The following SALL1 variants were observed in gnomAD, a reference collection of about 807,000 sequenced individuals.
SALL1 encodes sal-like protein 1.
Under a neutral mutation model 73.1 loss-of-function variants are expected in SALL1, and 10 were observed. That is an observed-to-expected ratio of 0.14 (90% CI 0.08 to 0.23). SALL1 has a LOEUF of 0.23. Among genes scored for constraint, SALL1 ranks in the 10% least tolerant of loss-of-function variants. The probability of loss-of-function intolerance (pLI) is 1.00; values close to 1 mark genes in which losing one functional copy is unlikely to be tolerated. For synonymous variants in SALL1, 688 were observed against 689.8 expected, an observed-to-expected ratio of 1.00 and a Z score of 0.04; for missense variants, 1,520 against 1,697.3, an observed-to-expected ratio of 0.90 and a Z score of 1.84.
At chr16:51,142,261 G>A (rs1962455518) in intron 1 of SALL1, 116 bp from the exon 2 acceptor site, 1 of 823,302 alleles carries the variant, frequency 1.2e-6, no homozygotes, top group East Asian at 2.4e-5. Flanking sequence ...CAAAACTGTA[G>A]CCCTTGAAAA....
chr16:51,136,629 A>G lies in SALL1; in HGVS notation c.*483T>C, dbSNP rs1021489037. ...GTCCTTTCCTTAAATCTGTTTTGAAAGATTAGACAATGTGTTTGCTGATAA... is the reference window on the plus strand; with the variant it reads ...GTCCTTTCCTTAAATCTGTTTTGAAGGATTAGACAATGTGTTTGCTGATAA... On this transcript the variant is annotated 3_prime_UTR_variant, in exon 3 of 3. Transcript: ENST00000251020. 1 of 162,496 alleles carries G rather than the reference A, an allele frequency of 6.2e-6. No individual in the cohort carries two copies. Among genetic ancestry groups the G allele is most frequent in the African/African-American group, 2.4e-5 (1 of 41,656 alleles). The allele number at this position is 162,496 out of a possible 1,614,324, so 10.1% of individuals were successfully genotyped here.
Position 51,138,999 on chromosome 16 carries a change from C to T in SALL1, c.3223G>A (p.Val1075Met). 3 of 1,614,190 alleles carry T rather than the reference C, an allele frequency of 1.9e-6. No homozygotes were observed. Among genetic ancestry groups the T allele is most frequent in the Non-Finnish European group, 2.5e-6 (3 of 1,180,040 alleles). ...GATGACAACGAGTTGGCGGGAATCA[C>T]CGCTGAGTTCTGATTGGGGCCAAGG... ...SNLGPNQNSA[V>M]IPANSLSSLI... The change falls in exon 2 of 3, where the codon GTG becomes ATG. Residue 1075 changes from valine (V) to methionine (M), a missense_variant. Val to Met is a conservative substitution (Grantham distance 21). This residue lies in a region of SALL1 where 318 missense variants were observed against 357.1 expected (regional missense o/e 0.89). Coordinates refer to ENST00000251020, the MANE Select transcript of SALL1 (RefSeq NM_002968.3).
Position 51,140,500 on chromosome 16 carries a change from C to T in SALL1, c.1722G>A (p.Glu574=). ...PSLIPFIKTE[E]PAPIPISHSA... is the part of the protein sequence containing the mutation. ...AATGGCTGATGGGGATGGGGGCTGGCTCTTCCGTCTTGATGAAGGGTATGA... is the reference window on the plus strand; with the variant it reads ...AATGGCTGATGGGGATGGGGGCTGGTTCTTCCGTCTTGATGAAGGGTATGA... Residue 574 remains glutamate, a synonymous_variant, in exon 2 of 3, where the codon GAG becomes GAA. Transcript: ENST00000251020. This position sits in a 1 kb window ranked among gnomAD's most constrained non-coding sequence, Gnocchi z 5.7. 6.2e-7 allele frequency: 1 copy of T among 1,613,846 alleles called. No homozygotes were observed. The highest frequency in any genetic ancestry group is 8.5e-7 in the Non-Finnish European group (1 of 1,179,928).
Position 51,137,358 on chromosome 16 carries a change from G to A in SALL1, c.3729C>T (p.Asn1243=), listed in dbSNP as rs148612488. The change falls in exon 3 of 3, where the codon AAC becomes AAT. Residue 1243 remains asparagine (N), a synonymous_variant. Transcript: ENST00000251020. ...TCTCGTTGGCCTTCATCGCCAGCCC[G>A]TTGGAGAGCGCTGCTGCATACTGAT... The part of the protein sequence containing the change: ...FWNQYAAALS[N]GLAMKANEIS... The A allele has an allele frequency of 3.0e-4, 485 of 1,614,132 alleles. No individual in the cohort carries two copies. Among genetic ancestry groups the A allele is most frequent in the Non-Finnish European group, 3.7e-4 (436 of 1,180,032 alleles).
Position 51,140,327 on chromosome 16 carries a change from T to C in SALL1, c.1895A>G (p.Asn632Ser). The C allele has an allele frequency of 3.1e-6, 5 of 1,613,994 alleles. No individual in the cohort carries two copies. The highest frequency in any genetic ancestry group is 3.4e-6 in the Non-Finnish European group (4 of 1,179,986). Residue 632 changes from asparagine to serine, a missense_variant, in exon 2 of 3, where the codon AAC becomes AGC. This residue lies in a region of SALL1 where 276 missense variants were observed against 259.1 expected (regional missense o/e 1.07). Coordinates refer to ENST00000251020, the MANE Select transcript of SALL1 (RefSeq NM_002968.3). The surrounding 1 kb of genome is among the most constrained non-coding windows in gnomAD (Gnocchi z 5.7). Reference protein sequence around the residue: ...GKSEESGMVTNSVPTASSSVL... With the variant: ...GKSEESGMVTSSVPTASSSVL... ...GCTACTGCTCGCCGTCGGGACTGAG[T>C]TGGTGACCATGCCACTCTCTTCGCT...
Position 51,140,512 on chromosome 16 carries a change from G to A in SALL1, c.1710C>T (p.Ile570=). Residue 570 remains isoleucine (I), a synonymous_variant, in exon 2 of 3, where the codon ATC becomes ATT. Transcript: ENST00000251020. The surrounding 1 kb of genome is among the most constrained non-coding windows in gnomAD (Gnocchi z 5.7). ...PPTLPSLIPF[I]KTEEPAPIPI... ...GGATGGGGGCTGGCTCTTCCGTCTT[G>A]ATGAAGGGTATGAGGCTTGGGAGGG... The A allele has an allele frequency of 6.2e-7, 1 of 1,614,020 alleles. No individual in the cohort carries two copies. Among genetic ancestry groups the A allele is most frequent in the Admixed American group, 1.7e-5 (1 of 60,022 alleles).
chr16:51,149,160 T>C (rs1962559655), intron 1 of SALL1: 1 of 152,614 alleles, frequency 6.6e-6, no homozygotes, highest in African/African-American at 2.4e-5. Context: ...ACTCCTTTTA[T>C]ATTATTGCTT....
intron 1 of SALL1, among the ~76,000 whole-genome samples, chr16:51,147,367 T>G (rs1962533526): frequency 6.6e-6 from 1 of 152,342 alleles, no homozygotes; most frequent in Middle Eastern, 3.4e-3. Context: ...ATTTTCTCAT[T>G]CAGAATCTTC....
At position 51,136,144 on chromosome 16, in the gene SALL1, T is replaced by C. The variant is rs918829691; in HGVS notation, c.*968A>G. ...CAGTCCAATTTTTTTCTTCCATACC[T>C]AAGACAAAATAAACAAACACTATAC... is the stretch of plus-strand genomic sequence containing the variant. On this transcript the variant is annotated 3_prime_UTR_variant, in exon 3 of 3. Transcript: ENST00000251020. The C allele has an allele frequency of 6.6e-6, 1 of 152,634 alleles. No homozygotes were observed. Among genetic ancestry groups the C allele is most frequent in the African/African-American group, 2.4e-5 (1 of 41,442 alleles). 9.5% of individuals were successfully genotyped at this position (152,634 alleles called of 1,614,324 possible).
chr16:51,152,143 TC>T (rs1962632929), upstream of SALL1: 1 of 151,668 alleles, frequency 6.6e-6, no homozygotes, highest in African/African-American at 2.4e-5. Flanking sequence ...GATCCCGGGC[TC>T]GCGGGGGCGC....
In SALL1 at chr16:51,140,375, G is replaced by C. The variant is rs1214482080; in HGVS notation, c.1847C>G (p.Thr616Ser). Reference protein sequence around the residue: ...GGLPEEAEGSTLPPSGGKSEE... With the variant: ...GGLPEEAEGSSLPPSGGKSEE... ...GCTTTTGCCACCAGAGGGTGGCAGA[G>C]TGGACCCTTCGGCTTCCTCTGGGAG... is the stretch of plus-strand genomic sequence containing the variant. The change falls in exon 2 of 3, where the codon ACT (threonine) becomes AGT (serine). Residue 616 changes from threonine to serine, a missense_variant. Physicochemically the swap from Thr to Ser is moderately conservative, Grantham distance 58 (BLOSUM62 1). Transcript: ENST00000251020. This position sits in a 1 kb window ranked among gnomAD's most constrained non-coding sequence, Gnocchi z 5.7. The C allele has an allele frequency of 1.2e-6, 2 of 1,614,050 alleles. No homozygotes were observed. The highest frequency in any genetic ancestry group is 2.7e-5 in the African/African-American group (2 of 74,948).
chr16:51,142,215 A>G (rs1239459824), intron 1 of SALL1, 70 bp from the exon 2 acceptor site: 6 of 1,260,330 alleles, frequency 4.8e-6, no homozygotes, highest in Admixed American at 1.8e-5. Context: ...ACTTAAAAAA[A>G]AAAAGGCTAA....
chr16:51,136,325 GCA>G lies in SALL1; in HGVS notation c.*785_*786del, dbSNP rs1351263965. ...TACTTAGCAGCATTGTGAAATTCCA[GCA>G]CACATTTTCTATCGTGAATATACCT... On this transcript the variant is annotated 3_prime_UTR_variant, in exon 3 of 3. Transcript: ENST00000251020. 6.6e-6 allele frequency: 1 copy of G among 152,620 alleles called. No homozygotes were observed. The highest frequency in any genetic ancestry group is 1.5e-5 in the Non-Finnish European group (1 of 68,040). 9.5% of individuals were successfully genotyped at this position (152,620 alleles called of 1,614,324 possible).
chr16:51,150,978 G>C (rs974275407), intron 1 of SALL1, 188 bp downstream of exon 1: 1 of 418,704 alleles, frequency 2.4e-6, no homozygotes, highest in Non-Finnish European at 4.2e-6. Flanking sequence ...GGGGCAGCGG[G>C]GGAAAGCCCA....
chr16:51,149,254 C>T (rs1271758676), intron 1 of SALL1: 1 of 152,002 alleles, frequency 6.6e-6, no homozygotes, highest in Non-Finnish European at 1.5e-5. Context: ...CCTCGAAGGC[C>T]GAGACTTTTT....
At position 51,137,066 on chromosome 16, in the gene SALL1, C is replaced by G; in HGVS notation, c.*46G>C. ...CAAGGAGTAGGAGGCCACCATAGGT[C>G]GCATTCTGAACAGGAATGAATGCTA... On this transcript the variant is annotated 3_prime_UTR_variant, in exon 3 of 3. Coordinates refer to ENST00000251020, the MANE Select transcript of SALL1 (RefSeq NM_002968.3). 6.3e-7 allele frequency: 1 copy of G among 1,581,720 alleles called. No homozygotes were observed. Among genetic ancestry groups the G allele is most frequent in the South Asian group, 1.1e-5 (1 of 89,954 alleles).
upstream of SALL1, chr16:51,151,349 GGCCC>G (rs915739793): frequency 3.5e-6 from 2 of 577,730 alleles, no homozygotes; most frequent in Non-Finnish European, 2.4e-6. Context: ...CCCGCCCGCC[GGCCC>G]GCCCGCCCCC....
rs1478934667 is a variant in SALL1 at position 51,140,121 on chromosome 16, T to G, written c.2101A>C (p.Lys701Gln). ...ATGCACTCATTGGGGTCAGTGGCCT[T>G]CTTGTCAATGTTTTCTACCAGTTGC... Reference protein sequence around the residue: ...LQQLVENIDKKATDPNECIIC... With the variant: ...LQQLVENIDKQATDPNECIIC... Residue 701 changes from lysine (K) to glutamine (Q), a missense_variant, in exon 2 of 3, where the codon AAG becomes CAG. Physicochemically the swap from Lys to Gln is moderately conservative, Grantham distance 53. Coordinates refer to ENST00000251020, the MANE Select transcript of SALL1 (RefSeq NM_002968.3). This position sits in a 1 kb window ranked among gnomAD's most constrained non-coding sequence, Gnocchi z 5.7. 3 of 1,614,008 alleles carry G rather than the reference T, an allele frequency of 1.9e-6. No homozygotes were observed. Among genetic ancestry groups the G allele is most frequent in the Non-Finnish European group, 2.5e-6 (3 of 1,180,022 alleles).
intron 1 of SALL1, chr16:51,150,870 A>G: frequency 3.1e-6 from 1 of 321,646 alleles, no homozygotes; most frequent in Non-Finnish European, 5.6e-6. Context: ...CCGGAAAAGC[A>G]GGGACGGAGA....
Sources: allele counts gnomAD v4.1 joint callset (sites outside exome capture counted in the v4.1 genomes callset), GRCh38; gene constraint gnomAD v4.1.1; regional missense constraint gnomAD v4.1.1; non-coding constraint Gnocchi (gnomAD v3.1); transcripts MANE v1.5; gene names NCBI Gene and HGNC (gene_info 2026-07-23, HGNC 2026-07-21).